NRG3: variants seen among roughly 807,000 people sequenced by gnomAD.
NRG3 encodes neuregulin 3.
A neutral mutation model predicts 66.9 loss-of-function variants in NRG3; 31 were observed. The ratio of observed to expected loss-of-function variants is 0.46; its 90% CI spans 0.35 to 0.63. NRG3 has a LOEUF of 0.63. Ranked by LOEUF, NRG3 falls within the 20% of genes least tolerant of loss-of-function variation. NRG3 has a pLI of 0.00. For missense variants in NRG3, 910 were observed against 878.9 expected (o/e 1.04, Z -0.45); for synonymous variants, 393 against 359.4 (o/e 1.09, Z -1.06).
At chr10:82,888,861 G>A (rs543828996) in intron 4 of NRG3, among the ~76,000 whole-genome samples, 8 of 152,158 alleles carry the variant, frequency 5.3e-5, no homozygotes, top group African/African-American at 1.9e-4. Flanking sequence ...GTATTTTAGT[G>A]GAAATTGAAG....
chr10:82,275,932 A>G (rs963008154), intron 1 of NRG3, among the ~76,000 whole-genome samples: 6 of 152,010 alleles, frequency 3.9e-5, no homozygotes, highest in Non-Finnish European at 7.4e-5. Context: ...ATCACTTAAT[A>G]TGTGATATTA....
chr10:81,920,597 T>A (rs1327238936), intron 1 of NRG3, among the ~76,000 whole-genome samples: 1 of 152,198 alleles, frequency 6.6e-6, no homozygotes, highest in African/African-American at 2.4e-5. Context: ...AATTTTGATA[T>A]AGGTTTAAAC....
At chr10:82,437,388 G>A (rs1230507559) in intron 2 of NRG3, among the ~76,000 whole-genome samples, 1 of 151,660 alleles carries the variant, frequency 6.6e-6, no homozygotes, top group Admixed American at 6.6e-5. Flanking sequence ...GGCTTCATCA[G>A]GTCATTTATG....
intron 1 of NRG3, among the ~76,000 whole-genome samples, chr10:81,990,972 T>G (rs7915831): frequency 0.45 from 68,325 of 151,976 alleles, 19,091 homozygotes; most frequent in East Asian, 0.77. Context: ...AATTTGTTTG[T>G]AACTAGAATG....
intron 1 of NRG3, among the ~76,000 whole-genome samples, chr10:82,294,690 A>G (rs752721612): frequency 6.6e-6 from 1 of 152,138 alleles, no homozygotes; most frequent in Non-Finnish European, 1.5e-5. Context: ...TTCTCTCCAA[A>G]TGAAATATAC....
chr10:82,779,124 G>A (rs769185111), intron 3 of NRG3, among the ~76,000 whole-genome samples: 1 of 152,110 alleles, frequency 6.6e-6, no homozygotes, highest in Non-Finnish European at 1.5e-5. Flanking sequence ...GACCACAGGG[G>A]GTGGGGTGCA....
intron 2 of NRG3, among the ~76,000 whole-genome samples, chr10:82,642,441 A>G (rs1239817745): frequency 6.6e-6 from 1 of 152,134 alleles, no homozygotes; most frequent in Non-Finnish European, 1.5e-5. Context: ...TCCTGGTGAA[A>G]TAATGCACAC....
chr10:82,469,136 T>C (rs1293049363), intron 2 of NRG3, among the ~76,000 whole-genome samples: 1 of 152,200 alleles, frequency 6.6e-6, no homozygotes, highest in Non-Finnish European at 1.5e-5. Flanking sequence ...TCTTTTCATT[T>C]TGCTTTTCGA....
At position 82,585,052 on chromosome 10, in the gene NRG3, T is replaced by C. The variant is rs373854476; in HGVS notation, c.954-153525T>C. ...GGAGTTTTGGCTGTATGGGTGAGTA[T>C]AATTAATAAAAATGCGTCGAAGACT... On this transcript the variant is annotated intron_variant, in intron 2 of 8. Coordinates refer to ENST00000372141, the MANE Select transcript of NRG3 (RefSeq NM_001010848.4). 1.4e-4 allele frequency among the ~76,000 whole-genome samples: 22 copies of C among 152,084 alleles called. 1 individual carries two copies. Among genetic ancestry groups the C allele is most frequent in the East Asian group, 1.4e-3 (7 of 5,154 alleles).
intron 2 of NRG3, among the ~76,000 whole-genome samples, chr10:82,604,678 C>G (rs983814423): frequency 6.6e-6 from 1 of 152,036 alleles, no homozygotes; most frequent in Non-Finnish European, 1.5e-5. Context: ...AATAGAGAAC[C>G]AAGAAATAGA....
chr10:82,410,044 G>A (rs1019141661), intron 2 of NRG3, among the ~76,000 whole-genome samples: 10 of 152,042 alleles, frequency 6.6e-5, no homozygotes, highest in Non-Finnish European at 1.3e-4. Context: ...AGTCACCCAG[G>A]GTCAATTCCT....
At chr10:82,268,909 G>C (rs1189403752) in intron 1 of NRG3, among the ~76,000 whole-genome samples, 3 of 152,086 alleles carry the variant, frequency 2.0e-5, no homozygotes, top group Non-Finnish European at 2.9e-5. Flanking sequence ...ACTATGGGCA[G>C]TCTTGTTGCA....
intron 2 of NRG3, among the ~76,000 whole-genome samples, chr10:82,629,705 A>G (rs2049682896): frequency 6.6e-6 from 1 of 152,166 alleles, no homozygotes; most frequent in South Asian, 2.1e-4. Context: ...TACAGATGAG[A>G]GAATTGAAGT....
chr10:82,752,545 C>A (rs1342589442), intron 3 of NRG3, among the ~76,000 whole-genome samples: 1 of 152,136 alleles, frequency 6.6e-6, no homozygotes, highest in Non-Finnish European at 1.5e-5. Context: ...TCATACAGAA[C>A]ATTCTAATTC....
chr10:82,345,655 A>G (rs1424447081), intron 1 of NRG3, among the ~76,000 whole-genome samples: 1 of 151,614 alleles, frequency 6.6e-6, no homozygotes, highest in African/African-American at 2.4e-5. Flanking sequence ...TACCTTGGGC[A>G]GTATGGCCAT....
chr10:82,769,931 G>A (rs944462730), intron 3 of NRG3, among the ~76,000 whole-genome samples: 19 of 152,090 alleles, frequency 1.2e-4, no homozygotes, highest in Admixed American at 9.2e-4. Context: ...TTTAGGACGT[G>A]ATGCAGACCC....
intron 1 of NRG3, among the ~76,000 whole-genome samples, chr10:82,082,408 A>T (rs975362835): frequency 1.3e-5 from 2 of 152,222 alleles, no homozygotes; most frequent in Non-Finnish European, 2.9e-5. Flanking sequence ...ACTGAGGTGT[A>T]GTCAATTGCC....
At chr10:82,175,542 C>T (rs184525767) in intron 1 of NRG3, among the ~76,000 whole-genome samples, 2 of 152,046 alleles carry the variant, frequency 1.3e-5, no homozygotes, top group Non-Finnish European at 1.5e-5. Flanking sequence ...ACTGTTCTAC[C>T]TGGGAAACTA....
intron 2 of NRG3, among the ~76,000 whole-genome samples, chr10:82,630,945 G>T (rs2049783527): frequency 6.6e-6 from 1 of 152,022 alleles, no homozygotes. Context: ...TATACTGCTA[G>T]CCTGGGATTA....
Sources: allele counts gnomAD v4.1 joint callset (sites outside exome capture counted in the v4.1 genomes callset), GRCh38; gene constraint gnomAD v4.1.1; transcripts MANE v1.5; gene names NCBI Gene and HGNC (gene_info 2026-07-23, HGNC 2026-07-21).